TRMT1L: variants seen among roughly 807,000 people sequenced by gnomAD.
TRMT1L encodes the protein tRNA (guanine(27)-N(2))-dimethyltransferase.
In TRMT1L, 28 loss-of-function variants were observed where a neutral mutation model predicts 81.6. The observed-to-expected ratio is 0.34, with a 90% CI of 0.25 to 0.47. TRMT1L has a LOEUF of 0.47. TRMT1L is among the 20% of genes least tolerant of loss of function. The probability of loss-of-function intolerance (pLI) is 1.00; values close to 1 mark genes in which losing one functional copy is unlikely to be tolerated. For missense variants in TRMT1L, 739 were observed against 877.1 expected, an observed-to-expected ratio of 0.84 and a Z score of 1.99; for synonymous variants, 301 against 303.2, an observed-to-expected ratio of 0.99 and a Z score of 0.07.
At position 185,145,458 on chromosome 1, in the gene TRMT1L, A is replaced by G. The variant is rs889704864; in HGVS notation, c.636T>C (p.Thr212=). The G allele has an allele frequency of 1.2e-6, 2 of 1,610,934 alleles. No individual in the cohort carries two copies. Among genetic ancestry groups the G allele is most frequent in the African/African-American group, 2.7e-5 (2 of 74,852 alleles). Residue 212 remains threonine (T), a synonymous_variant, in exon 5 of 15, where the codon ACT becomes ACC. Coordinates refer to ENST00000367506, the MANE Select transcript of TRMT1L (RefSeq NM_030934.5). ...ACTTACCTGCAATATAACTAGATTT[A>G]GTCTCTCCTTTATTCATGTGGCGCC... ...HVRRHMNKGE[T]KSSYIAASTA...
intron 2 of TRMT1L, 150 bp from the exon 3 acceptor site, chr1:185,150,642 A>G: frequency 1.5e-6 from 1 of 655,426 alleles, no homozygotes; most frequent in Non-Finnish European, 2.7e-6. Context: ...GACCCAGGAG[A>G]CAGTTAACAG....
intron 9 of TRMT1L, among the ~76,000 whole-genome samples, chr1:185,138,517 G>T (rs183084920): frequency 1.3e-5 from 2 of 152,002 alleles, no homozygotes; most frequent in African/African-American, 4.8e-5. Flanking sequence ...ACTAGTATTG[G>T]GGCTGGCAAG....
intron 7 of TRMT1L, among the ~76,000 whole-genome samples, chr1:185,141,344 G>A (rs913921049): frequency 1.3e-5 from 2 of 152,120 alleles, no homozygotes; most frequent in Non-Finnish European, 2.9e-5. Flanking sequence ...GTTTACAAAG[G>A]CACATTAAAA....
At chr1:185,140,351 CCTT>C (rs1395807136) in intron 7 of TRMT1L, 129 bp from the exon 8 acceptor site, 5 of 800,602 alleles carry the variant, frequency 6.2e-6, no homozygotes, top group African/African-American at 3.5e-5. Context: ...GAATCTTATT[CCTT>C]CTTACTACAA....
chr1:185,123,839 A>G lies in TRMT1L; in HGVS notation c.1822+18T>C, dbSNP rs923662231. ...TGACCTGATATGTACATATGTACACACATATATGCATACATACCTTGTGCA... is the reference window on the plus strand; with the variant it reads ...TGACCTGATATGTACATATGTACACGCATATATGCATACATACCTTGTGCA... On this transcript the variant is annotated intron_variant, in intron 13 of 14. Coordinates refer to ENST00000367506, the MANE Select transcript of TRMT1L (RefSeq NM_030934.5). The G allele has an allele frequency of 2.7e-6, 4 of 1,461,906 alleles. No homozygotes were observed. Among genetic ancestry groups the G allele is most frequent in the Admixed American group, 2.5e-5 (1 of 39,350 alleles). The allele number at this position is 1,461,906 out of a possible 1,614,324, so 90.6% of individuals were successfully genotyped here.
At chr1:185,149,097 A>G (rs1470490928) in intron 3 of TRMT1L, among the ~76,000 whole-genome samples, 1 of 152,198 alleles carries the variant, frequency 6.6e-6, no homozygotes, top group Non-Finnish European at 1.5e-5. Context: ...TGCTGTTTTC[A>G]TTAGTAGTTG....
At chr1:185,138,770 C>G (rs565261466) in intron 9 of TRMT1L, among the ~76,000 whole-genome samples, 5 of 152,228 alleles carry the variant, frequency 3.3e-5, no homozygotes, top group Admixed American at 2.6e-4. Flanking sequence ...GAAGATAAAA[C>G]AGAATGGATA....
chr1:185,140,034 T>C lies in TRMT1L; in HGVS notation c.1048A>G (p.Asn350Asp), dbSNP rs546085666. The stretch of plus-strand genomic sequence containing the variant: ...GCATCCATTTTGGTCACCTTAATAT[T>C]ACCAAGATTTTTCTCTCCTTCTTCA... The part of the protein sequence containing the change: ...ILEEGEKNLG[N>D]IKVTKMDANV... The change falls in exon 8 of 15, where the codon AAT becomes GAT. Residue 350 changes from asparagine (N) to aspartate (D), a missense_variant. By Grantham distance (23) the Asn-to-Asp change is conservative. Transcript: ENST00000367506. 4.3e-6 allele frequency: 7 copies of C among 1,613,746 alleles called. No individual in the cohort carries two copies. The highest frequency in any genetic ancestry group is 3.3e-5 in the South Asian group (3 of 91,076).
intron 8 of TRMT1L, 89 bp from the exon 9 acceptor site, chr1:185,139,668 G>T: frequency 1.1e-6 from 1 of 951,504 alleles, no homozygotes; most frequent in Non-Finnish European, 1.5e-6. Flanking sequence ...AAAATTCCAT[G>T]GATTTAAAAA....
chr1:185,150,584 C>G, intron 2 of TRMT1L, 92 bp from the exon 3 acceptor site: 1 of 821,920 alleles, frequency 1.2e-6, no homozygotes, highest in Non-Finnish European at 2.0e-6. Context: ...GGCTCCCCCT[C>G]CTACTTCTTA....
In TRMT1L at chr1:185,119,925, T is replaced by C. The variant is rs967565010; in HGVS notation, c.*94A>G. The stretch of plus-strand genomic sequence containing the variant: ...ATGACACTGTTTTTTATTTTTACTC[T>C]ACTGAATTGAAAGAACAGAAAAAGA... On this transcript the variant is annotated 3_prime_UTR_variant, in exon 15 of 15. Coordinates refer to ENST00000367506, the MANE Select transcript of TRMT1L (RefSeq NM_030934.5). 22 of 1,324,566 alleles carry C rather than the reference T, an allele frequency of 1.7e-5. No individual in the cohort carries two copies. The highest frequency in any genetic ancestry group is 2.4e-5 in the East Asian group (1 of 41,404). The allele number at this position is 1,324,566 out of a possible 1,614,324, so 82.1% of individuals were successfully genotyped here.
chr1:185,141,896 A>G (rs1308221278), intron 7 of TRMT1L, among the ~76,000 whole-genome samples: 1 of 152,198 alleles, frequency 6.6e-6, no homozygotes, highest in Non-Finnish European at 1.5e-5. Context: ...TTTAGCAGTA[A>G]CAGGCAAGAC....
chr1:185,135,335 G>A (rs1034658407), intron 10 of TRMT1L, among the ~76,000 whole-genome samples: 5 of 151,338 alleles, frequency 3.3e-5, no homozygotes, highest in Admixed American at 6.6e-5. Flanking sequence ...AGAATTGCTT[G>A]AACCTGGGAG....
intron 10 of TRMT1L, among the ~76,000 whole-genome samples, chr1:185,136,221 A>C (rs184006864): frequency 6.6e-6 from 1 of 152,062 alleles, no homozygotes; most frequent in African/African-American, 2.4e-5. Flanking sequence ...ACTAGCCAGC[A>C]AACATGGTGA....
chr1:185,132,023 C>T (rs1303379625), intron 10 of TRMT1L, among the ~76,000 whole-genome samples: 1 of 151,884 alleles, frequency 6.6e-6, no homozygotes, highest in East Asian at 1.9e-4. Flanking sequence ...GGCCTGCAGT[C>T]CCAGCTACTC....
chr1:185,120,629 CTTAA>C, intron 13 of TRMT1L, 120 bp from the exon 14 acceptor site: 5 of 871,928 alleles, frequency 5.7e-6, no homozygotes, highest in Non-Finnish European at 6.1e-6. Flanking sequence ...ACTATCCAAT[CTTAA>C]TTCTTATAAT....
chr1:185,122,735 A>AGT (rs1443000526), intron 13 of TRMT1L, among the ~76,000 whole-genome samples: 2 of 135,738 alleles, frequency 1.5e-5, no homozygotes, highest in Admixed American at 1.7e-4. Flanking sequence ...CCCAGGCTGG[A>AGT]GTGCAGTGGT....
At chr1:185,136,509 G>A (rs1398025690) in intron 10 of TRMT1L, among the ~76,000 whole-genome samples, 1 of 152,144 alleles carries the variant, frequency 6.6e-6, no homozygotes, top group South Asian at 2.1e-4. Flanking sequence ...TTATACTAAA[G>A]TACTTGCACA....
intron 13 of TRMT1L, among the ~76,000 whole-genome samples, chr1:185,123,358 A>C (rs1652544998): frequency 6.6e-6 from 1 of 152,188 alleles, no homozygotes. Context: ...GATATTTTAA[A>C]TCTTAACATC....
Sources: allele counts gnomAD v4.1 joint callset (sites outside exome capture counted in the v4.1 genomes callset), GRCh38; gene constraint gnomAD v4.1.1; transcripts MANE v1.5; gene names NCBI Gene and HGNC (gene_info 2026-07-23, HGNC 2026-07-21).